Variants in CADPS observed in about 807,000 individuals in gnomAD.
CADPS encodes the protein calcium dependent secretion activator.
CADPS carries 57 observed loss-of-function variants against 167.3 expected under a neutral mutation model. The observed-to-expected ratio is 0.34, with a 90% CI of 0.28 to 0.42. The LOEUF is 0.42. Ranked by LOEUF, CADPS falls within the 20% of genes least tolerant of loss-of-function variation. The pLI, the probability that CADPS is intolerant of heterozygous loss-of-function variation, is 1.00. For synonymous variants in CADPS, 676 were observed against 635.3 expected (o/e 1.06, Z -0.96); for missense variants, 1,414 against 1,738.1 (o/e 0.81, Z 3.32).
rs73105468 is a variant in CADPS at position 62,713,290 on chromosome 3, G to C, written c.888+40151C>G. On this transcript the variant is annotated intron_variant, in intron 3 of 29. Coordinates refer to ENST00000383710, the MANE Select transcript of CADPS (RefSeq NM_003716.4). ...TCAGGGGGATGACCTCTTCCTCACT[G>C]TATTTATTTGTGTCGGTGAGGTAGG... Among the ~76,000 whole-genome samples the C allele has an allele frequency of 7.6e-3, 1,152 of 152,232 alleles. 8 individuals are homozygous for C. Among genetic ancestry groups the C allele is most frequent in the Non-Finnish European group, 0.013 (910 of 67,998 alleles).
intron 6 of CADPS, among the ~76,000 whole-genome samples, chr3:62,620,029 G>A (rs1302517020): frequency 6.6e-6 from 1 of 151,730 alleles, no homozygotes; most frequent in Non-Finnish European, 1.5e-5. Flanking sequence ...CATTGCATTT[G>A]TTATTGATGC....
intron 10 of CADPS, among the ~76,000 whole-genome samples, chr3:62,551,205 A>G (rs372534972): frequency 2.2e-4 from 34 of 152,084 alleles, no homozygotes; most frequent in South Asian, 4.2e-4. Context: ...AAACCCAACA[A>G]TGAACTCCTG....
chr3:62,519,814 G>A (rs1355550), intron 13 of CADPS, among the ~76,000 whole-genome samples: 4,089 of 151,822 alleles, frequency 0.027, 101 homozygotes, highest in Middle Eastern at 0.075. Flanking sequence ...TACATGAAAC[G>A]TCCGTGAATC....
intron 1 of CADPS, among the ~76,000 whole-genome samples, chr3:62,870,582 G>A (rs979909389): frequency 1.3e-5 from 2 of 152,172 alleles, no homozygotes; most frequent in East Asian, 3.9e-4. Context: ...GAACTTACAA[G>A]ACATTTGTCC....
chr3:62,454,492 C>G (rs1205925830), intron 26 of CADPS, among the ~76,000 whole-genome samples: 1 of 152,024 alleles, frequency 6.6e-6, no homozygotes, highest in Non-Finnish European at 1.5e-5. Flanking sequence ...GTGGGCCTGA[C>G]TTCAAAGGAT....
chr3:62,805,656 C>T (rs2094045766), intron 1 of CADPS, among the ~76,000 whole-genome samples: 1 of 152,120 alleles, frequency 6.6e-6, no homozygotes, highest in Non-Finnish European at 1.5e-5. Context: ...GCTGCCTAAT[C>T]TCATTTTACT....
At chr3:62,496,795 G>C (rs571092289) in intron 18 of CADPS, among the ~76,000 whole-genome samples, 4 of 152,216 alleles carry the variant, frequency 2.6e-5, no homozygotes, top group Non-Finnish European at 5.9e-5. Context: ...CCTATGCCTA[G>C]TTGTCTTTCA....
At chr3:62,672,792 G>A (rs902397630) in intron 3 of CADPS, among the ~76,000 whole-genome samples, 4 of 152,152 alleles carry the variant, frequency 2.6e-5, no homozygotes, top group South Asian at 2.1e-4. Flanking sequence ...GCTGATTTTT[G>A]TATTTTTCGT....
At chr3:62,799,859 C>G (rs2093661666) in intron 1 of CADPS, among the ~76,000 whole-genome samples, 5 of 152,156 alleles carry the variant, frequency 3.3e-5, no homozygotes, top group Admixed American at 3.3e-4. Context: ...TCTTTGACCA[C>G]TTTCATTCTT....
chr3:62,613,043 G>A (rs2061713207), intron 6 of CADPS, among the ~76,000 whole-genome samples: 1 of 152,182 alleles, frequency 6.6e-6, no homozygotes, highest in Non-Finnish European at 1.5e-5. Flanking sequence ...GACTGAGGCA[G>A]GACCACATTA....
intron 21 of CADPS, 31 bp from the exon 22 acceptor site, chr3:62,481,900 A>G: frequency 6.3e-7 from 1 of 1,599,154 alleles, no homozygotes; most frequent in Non-Finnish European, 8.5e-7. Context: ...AAGAAAAAAT[A>G]CCATCACAGT....
intron 17 of CADPS, among the ~76,000 whole-genome samples, chr3:62,504,640 C>T (rs529840037): frequency 1.3e-5 from 2 of 152,160 alleles, no homozygotes; most frequent in Non-Finnish European, 2.9e-5. Context: ...AGGTTTGCCA[C>T]CATAGAAAAA....
intron 28 of CADPS, among the ~76,000 whole-genome samples, chr3:62,414,194 C>T (rs1377722917): frequency 6.6e-6 from 1 of 152,168 alleles, no homozygotes; most frequent in Non-Finnish European, 1.5e-5. Flanking sequence ...AACCACATCA[C>T]CTCATATGTT....
At chr3:62,845,968 G>T (rs995187091) in intron 1 of CADPS, among the ~76,000 whole-genome samples, 1 of 152,020 alleles carries the variant, frequency 6.6e-6, no homozygotes, top group Admixed American at 6.6e-5. Flanking sequence ...ATTGGTTTAG[G>T]GGGGTAGATT....
At chr3:62,479,426 C>A (rs1025055360) in intron 22 of CADPS, among the ~76,000 whole-genome samples, 1 of 152,222 alleles carries the variant, frequency 6.6e-6, no homozygotes, top group Non-Finnish European at 1.5e-5. Context: ...TCCAACACAC[C>A]ATGCATTACC....
chr3:62,613,134 T>A (rs12495782), intron 6 of CADPS, among the ~76,000 whole-genome samples: 1 of 151,994 alleles, frequency 6.6e-6, no homozygotes, highest in African/African-American at 2.4e-5. Context: ...CCCATCAAGC[T>A]GCTCCTCCTT....
At chr3:62,430,093 C>G (rs574544964) in intron 28 of CADPS, among the ~76,000 whole-genome samples, 1 of 152,098 alleles carries the variant, frequency 6.6e-6, no homozygotes, top group African/African-American at 2.4e-5. Flanking sequence ...AACAAAAAAC[C>G]CCTCAGTTTC....
chr3:62,801,454 T>G (rs865991913), intron 1 of CADPS, among the ~76,000 whole-genome samples: 1 of 152,182 alleles, frequency 6.6e-6, no homozygotes, highest in Non-Finnish European at 1.5e-5. Flanking sequence ...AAAAACATTA[T>G]TTCATGCATA....
chr3:62,759,783 A>G (rs1375196739), intron 2 of CADPS, among the ~76,000 whole-genome samples: 1 of 151,840 alleles, frequency 6.6e-6, no homozygotes, highest in East Asian at 1.9e-4. Context: ...AAATGCAGAG[A>G]TTTTTCTACA....
Sources: allele counts gnomAD v4.1 joint callset (sites outside exome capture counted in the v4.1 genomes callset), GRCh38; gene constraint gnomAD v4.1.1; transcripts MANE v1.5; gene names NCBI Gene and HGNC (gene_info 2026-07-23, HGNC 2026-07-21).